Variants in PRLR observed in about 807,000 individuals in gnomAD.
PRLR encodes the protein prolactin receptor.
In PRLR, 13 loss-of-function variants were observed where a neutral mutation model predicts 40.2. That is an observed-to-expected ratio of 0.32 (90% CI 0.21 to 0.51). PRLR has a LOEUF of 0.51. PRLR is among the 20% of genes least tolerant of loss of function. The probability of loss-of-function intolerance (pLI) is 0.97; values close to 1 mark genes in which losing one functional copy is unlikely to be tolerated. For missense variants in PRLR, 656 were observed against 747.3 expected (o/e 0.88, Z 1.42); for synonymous variants, 269 against 278.7 (o/e 0.97, Z 0.35).
At chr5:35,069,024 A>C in intron 7 of PRLR, 146 bp from the exon 8 acceptor site, 1 of 573,484 alleles carries the variant, frequency 1.7e-6, no homozygotes, top group Non-Finnish European at 3.1e-6. Flanking sequence ...AGTATCATCA[A>C]TGACAGGGCT....
rs190965260 is a variant in PRLR at position 35,059,274 on chromosome 5, A to T, written c.*5815T>A. ...GAGAGTTAATTAATAGACTAAGATT[A>T]TCTGTGGTCTATTTATTGACCACAC... On this transcript the variant is annotated 3_prime_UTR_variant, in exon 10 of 10. Coordinates refer to ENST00000618457, the MANE Select transcript of PRLR (RefSeq NM_000949.7). 3.8e-4 allele frequency: 58 copies of T among 152,326 alleles called. No homozygotes were observed. In the Middle Eastern group the frequency reaches 0.01, roughly 27 times the overall value. The allele number at this position is 152,326 out of a possible 1,614,324, so 9.4% of individuals were successfully genotyped here. A position where few individuals can be genotyped will look rare whatever the true frequency, so the allele number is the denominator to read the frequency against.
At chr5:35,051,919 G>GA (rs1345234174), downstream of PRLR, among the ~76,000 whole-genome samples, 1 of 152,066 alleles carries the variant, frequency 6.6e-6, no homozygotes, top group Non-Finnish European at 1.5e-5. Flanking sequence ...ATCAGTATCA[G>GA]AAAAAATAGG....
intron 1 of PRLR, among the ~76,000 whole-genome samples, chr5:35,121,403 C>T (rs560963524): frequency 2.0e-5 from 3 of 152,158 alleles, no homozygotes; most frequent in Non-Finnish European, 4.4e-5. Context: ...CATCCCACCC[C>T]CTCCTGAAAG....
At chr5:35,069,535 T>G (rs530905934) in intron 7 of PRLR, among the ~76,000 whole-genome samples, 1 of 152,334 alleles carries the variant, frequency 6.6e-6, no homozygotes, top group East Asian at 1.9e-4. Flanking sequence ...GTTTGGTTTC[T>G]TCACTTTTAA....
intron 1 of PRLR, among the ~76,000 whole-genome samples, chr5:35,144,735 A>ATT (rs1774129553): frequency 6.6e-6 from 1 of 152,042 alleles, no homozygotes; most frequent in African/African-American, 2.4e-5. Context: ...AGTTCCTCCA[A>ATT]TTACAGGCAT....
intron 5 of PRLR, among the ~76,000 whole-genome samples, chr5:35,076,622 C>T (rs1223393878): frequency 1.3e-5 from 2 of 152,204 alleles, no homozygotes; most frequent in African/African-American, 4.8e-5. Flanking sequence ...AAACACTCTG[C>T]AGGATATTAT....
intron 1 of PRLR, among the ~76,000 whole-genome samples, chr5:35,211,748 T>C (rs112019729): frequency 1.3e-5 from 2 of 152,202 alleles, no homozygotes; most frequent in Non-Finnish European, 2.9e-5. Context: ...TAATATTGAG[T>C]AAATATTCAT....
chr5:35,193,173 T>C (rs1775651018), intron 1 of PRLR, among the ~76,000 whole-genome samples: 1 of 152,174 alleles, frequency 6.6e-6, no homozygotes, highest in South Asian at 2.1e-4. Flanking sequence ...CATCTGTGTC[T>C]GTGTATAGTG....
intron 1 of PRLR, among the ~76,000 whole-genome samples, chr5:35,209,063 G>T (rs1776098895): frequency 6.6e-6 from 1 of 151,650 alleles, no homozygotes; most frequent in South Asian, 2.1e-4. Flanking sequence ...TAAGTAGAAA[G>T]AATTTGAAAA....
intron 2 of PRLR, among the ~76,000 whole-genome samples, chr5:35,111,777 T>G (rs1048712522): frequency 6.6e-6 from 1 of 152,188 alleles, no homozygotes; most frequent in African/African-American, 2.4e-5. Context: ...AAGTAGATGT[T>G]TTTGATCCCA....
At chr5:35,199,236 C>G (rs969518310) in intron 1 of PRLR, among the ~76,000 whole-genome samples, 2 of 152,166 alleles carry the variant, frequency 1.3e-5, no homozygotes, top group Non-Finnish European at 1.5e-5. Context: ...GAGTGAGAGA[C>G]AGAATTCGAT....
chr5:35,113,452 T>C (rs71588426), intron 2 of PRLR, among the ~76,000 whole-genome samples: 1 of 25,996 alleles, frequency 3.8e-5, no homozygotes, highest in Non-Finnish European at 9.5e-5. Context: ...CACCCACCTA[T>C]CCATCCATCC....
intron 2 of PRLR, among the ~76,000 whole-genome samples, chr5:35,103,370 C>G (rs1446970175): frequency 6.6e-6 from 1 of 152,194 alleles, no homozygotes; most frequent in Non-Finnish European, 1.5e-5. Context: ...GCTAACTCCC[C>G]GTTGGTTGCT....
chr5:35,080,748 T>A (rs550772850), intron 5 of PRLR, among the ~76,000 whole-genome samples: 1 of 152,156 alleles, frequency 6.6e-6, no homozygotes, highest in South Asian at 2.1e-4. Flanking sequence ...CACACATATG[T>A]TTATTGCGGC....
chr5:35,136,102 C>T (rs1040000579), intron 1 of PRLR, among the ~76,000 whole-genome samples: 36 of 152,160 alleles, frequency 2.4e-4, no homozygotes, highest in African/African-American at 8.0e-4. Context: ...GGAAATCATA[C>T]GCAGAATGAA....
At chr5:35,156,330 G>T (rs1025060764) in intron 1 of PRLR, among the ~76,000 whole-genome samples, 2 of 151,910 alleles carry the variant, frequency 1.3e-5, no homozygotes, top group East Asian at 3.9e-4. Flanking sequence ...AAATGTCTGC[G>T]TTAGCCTCCC....
chr5:35,148,451 T>C (rs1462588955), intron 1 of PRLR, among the ~76,000 whole-genome samples: 1 of 152,184 alleles, frequency 6.6e-6, no homozygotes. Context: ...TTCTGAAAGC[T>C]ACTATGTGAG....
At chr5:35,155,291 G>A (rs1774456853) in intron 1 of PRLR, among the ~76,000 whole-genome samples, 1 of 152,132 alleles carries the variant, frequency 6.6e-6, no homozygotes, top group Non-Finnish European at 1.5e-5. Flanking sequence ...TCTCTTGTCT[G>A]ATTCATGTTG....
Position 35,063,501 on chromosome 5 carries a change from C to G in PRLR, c.*1588G>C, listed in dbSNP as rs545218108. 3 of 152,316 alleles carry G rather than the reference C, an allele frequency of 2.0e-5. No individual in the cohort carries two copies. The highest frequency in any genetic ancestry group is 1.3e-4 in the Admixed American group (2 of 15,300). 9.4% of individuals were successfully genotyped at this position (152,316 alleles called of 1,614,324 possible). On this transcript the variant is annotated 3_prime_UTR_variant, in exon 10 of 10. Coordinates refer to ENST00000618457, the MANE Select transcript of PRLR (RefSeq NM_000949.7). ...CAAGCTTTGACTTCTTTCAGGAAGC[C>G]TGGCACTGGAATTGACCGGGAGATT...
Sources: gnomAD v4.1 joint callset for allele counts (sites outside exome capture counted in the v4.1 genomes callset) on GRCh38, gnomAD v4.1.1 for gene constraint, MANE v1.5 for transcripts, NCBI Gene and HGNC (gene_info 2026-07-23, HGNC 2026-07-21) for gene names.